Variants in GRM8 observed in about 807,000 individuals in gnomAD.
The protein encoded by GRM8 is glutamate metabotropic receptor 8.
In GRM8, 47 loss-of-function variants were observed where a neutral mutation model predicts 87.2. The ratio of observed to expected loss-of-function variants is 0.54; its 90% confidence interval spans 0.43 to 0.69. GRM8 has a LOEUF of 0.69. GRM8 is among the 30% of genes least tolerant of loss of function. The pLI, the probability that GRM8 is intolerant of heterozygous loss-of-function variation, is 0.00. For synonymous variants in GRM8, 396 were observed against 404.5 expected (o/e 0.98, Z 0.25); for missense variants, 1,019 against 1,139.2 (o/e 0.89, Z 1.52).
At chr7:127,013,727 G>GAGC (rs1405577698) in intron 3 of GRM8, among the ~76,000 whole-genome samples, 1 of 152,006 alleles carries the variant, frequency 6.6e-6, no homozygotes, top group Non-Finnish European at 1.5e-5. Flanking sequence ...TCTTTTTCAG[G>GAGC]AGCTGTTTTT....
chr7:126,852,545 G>A (rs938197753), intron 6 of GRM8, among the ~76,000 whole-genome samples: 8 of 152,186 alleles, frequency 5.3e-5, no homozygotes, highest in African/African-American at 1.7e-4. Context: ...AAAAGAAAGA[G>A]CTGACAGTAA....
intron 9 of GRM8, among the ~76,000 whole-genome samples, chr7:126,457,812 G>C (rs899072771): frequency 4.7e-5 from 7 of 148,736 alleles, no homozygotes; most frequent in Middle Eastern, 3.3e-3. Flanking sequence ...CAATAAAATA[G>C]AACACAAATG....
intron 3 of GRM8, among the ~76,000 whole-genome samples, chr7:127,094,299 G>A (rs930895525): frequency 6.6e-6 from 1 of 152,306 alleles, no homozygotes; most frequent in African/African-American, 2.4e-5. Flanking sequence ...TGGGAGAGAA[G>A]CACACTTCCT....
chr7:126,670,768 T>C (rs1007899055), intron 7 of GRM8, among the ~76,000 whole-genome samples: 4 of 152,226 alleles, frequency 2.6e-5, no homozygotes, highest in Non-Finnish European at 5.9e-5. Flanking sequence ...GCAAATCTTT[T>C]TGACTTTTGC....
chr7:126,879,210 A>C (rs1258882820), intron 6 of GRM8, among the ~76,000 whole-genome samples: 4 of 151,828 alleles, frequency 2.6e-5, no homozygotes. Flanking sequence ...AAAAAAAAAA[A>C]CATGATGAGG....
rs549747293 is a variant in GRM8, at chr7:126,617,059, C to G, written c.1358-7561G>C. ...GCATTATCCTGATACCAAAGCCTGG[C>G]AGAGACACAACCAAAAAAGACAATT... is the stretch of plus-strand genomic sequence containing the variant. On this transcript the variant is annotated intron_variant, in intron 7 of 10. Transcript: ENST00000339582. Among the ~76,000 whole-genome samples, 303 of 152,266 alleles carry G rather than the reference C, an allele frequency of 2.0e-3. 1 individual carries two copies. The highest frequency in any genetic ancestry group is 6.5e-3 in the African/African-American group (271 of 41,556).
At chr7:127,155,434 C>T (rs1792662727) in intron 2 of GRM8, among the ~76,000 whole-genome samples, 1 of 152,040 alleles carries the variant, frequency 6.6e-6, no homozygotes, top group South Asian at 2.1e-4. Context: ...AAAATATCTT[C>T]CAAAATATTT....
At chr7:127,012,422 G>A (rs1431737848) in intron 3 of GRM8, among the ~76,000 whole-genome samples, 1 of 152,080 alleles carries the variant, frequency 6.6e-6, no homozygotes, top group African/African-American at 2.4e-5. Context: ...AGTATCTTAT[G>A]TGACAGCTTT....
At chr7:126,990,812 C>T (rs1051486039) in intron 3 of GRM8, among the ~76,000 whole-genome samples, 4 of 152,196 alleles carry the variant, frequency 2.6e-5, no homozygotes, top group Non-Finnish European at 5.9e-5. Context: ...CAAAGCATTT[C>T]TCTCAAACAT....
intron 6 of GRM8, among the ~76,000 whole-genome samples, chr7:126,829,299 G>A (rs1450820035): frequency 7.2e-6 from 1 of 139,812 alleles, no homozygotes; most frequent in Non-Finnish European, 1.5e-5. Context: ...GTTGACAGTG[G>A]GGTGTTAAAG....
chr7:127,024,967 T>C (rs766473281), intron 3 of GRM8, among the ~76,000 whole-genome samples: 15 of 152,192 alleles, frequency 9.9e-5, no homozygotes, highest in Non-Finnish European at 1.6e-4. Context: ...TTTTTATTTA[T>C]GTAATAATTT....
Position 126,533,086 on chromosome 7 carries a change from A to G in GRM8, c.2296T>C (p.Tyr766His). ...SILLMVTCTV[Y>H]AIKTRGVPET... ...GGGACACCTCTCGTTTTAATGGCAT[A>G]AACAGTACAAGTGACCATCAAGAGG... The change falls in exon 9 of 11, where the codon TAT becomes CAT. Residue 766 changes from tyrosine to histidine, a missense_variant. Coordinates refer to ENST00000339582, the MANE Select transcript of GRM8 (RefSeq NM_000845.3). 2 of 1,613,578 alleles carry G rather than the reference A, an allele frequency of 1.2e-6. No individual in the cohort carries two copies. Among genetic ancestry groups the G allele is most frequent in the Non-Finnish European group, 1.7e-6 (2 of 1,179,814 alleles).
intron 6 of GRM8, among the ~76,000 whole-genome samples, chr7:126,898,249 C>T (rs192205647): frequency 6.6e-6 from 1 of 152,088 alleles, no homozygotes. Flanking sequence ...CACCTCTACT[C>T]GTGAATATCC....
intron 3 of GRM8, among the ~76,000 whole-genome samples, chr7:126,938,897 T>C (rs189011977): frequency 2.0e-5 from 3 of 152,240 alleles, no homozygotes; most frequent in East Asian, 3.9e-4. Flanking sequence ...TACATCCTAG[T>C]TCTCCCAATT....
chr7:126,742,789 A>AGTCACTAGTTAATTACTAATTCTG (rs1269391869), intron 7 of GRM8, among the ~76,000 whole-genome samples: 2 of 152,106 alleles, frequency 1.3e-5, no homozygotes, highest in Non-Finnish European at 2.9e-5. Flanking sequence ...ACCTAATTCT[A>AGTCACTAGTTAATTACTAATTCTG]GTCACTAGTT....
intron 3 of GRM8, among the ~76,000 whole-genome samples, chr7:127,058,924 C>T (rs1004193820): frequency 6.6e-6 from 1 of 152,192 alleles, no homozygotes; most frequent in Non-Finnish European, 1.5e-5. Flanking sequence ...TGTGTGACCT[C>T]TCTTTCATTA....
At chr7:126,515,032 A>G (rs1289591392) in intron 9 of GRM8, among the ~76,000 whole-genome samples, 1 of 152,098 alleles carries the variant, frequency 6.6e-6, no homozygotes, top group Non-Finnish European at 1.5e-5. Context: ...GGTCTCCCAT[A>G]TTTATCACAC....
intron 3 of GRM8, among the ~76,000 whole-genome samples, chr7:126,909,638 A>G (rs1803085516): frequency 6.6e-6 from 1 of 151,910 alleles, no homozygotes; most frequent in Admixed American, 6.6e-5. Context: ...CAGCCTGTGT[A>G]TTTTTTTTCC....
chr7:126,619,549 T>G (rs1046487769), intron 7 of GRM8, among the ~76,000 whole-genome samples: 5 of 151,980 alleles, frequency 3.3e-5, no homozygotes, highest in Admixed American at 2.6e-4. Context: ...CTATTTACAT[T>G]AAAAAAAGAA....
Sources: allele counts gnomAD v4.1 joint callset (sites outside exome capture counted in the v4.1 genomes callset), GRCh38; gene constraint gnomAD v4.1.1; transcripts MANE v1.5; gene names NCBI Gene and HGNC (gene_info 2026-07-23, HGNC 2026-07-21).